Variants in PCDHA7 observed in about 807,000 individuals in gnomAD.
The protein encoded by PCDHA7 is protocadherin alpha 7.
Under a neutral mutation model 57.2 loss-of-function variants are expected in PCDHA7, and 37 were observed. That is an observed-to-expected ratio of 0.65 (90% confidence interval 0.50 to 0.85). The LOEUF (loss-of-function observed/expected upper bound fraction) is 0.85. PCDHA7 is among the 40% of genes least tolerant of loss of function. The pLI is 0.00. For synonymous variants in PCDHA7, 553 were observed against 558.8 expected (o/e 0.99, Z 0.15); for missense variants, 1,188 against 1,241.8 (o/e 0.96, Z 0.65).
chr5:140,966,652 G>C (rs556593659), intron 1 of PCDHA7: 2 of 1,169,200 alleles, frequency 1.7e-6, no homozygotes, highest in Admixed American at 3.9e-5. Context: ...GAGCGTGAGC[G>C]GTGGGGGAGC....
intron 1 of PCDHA7, chr5:140,856,218 A>C: frequency 6.3e-7 from 1 of 1,597,930 alleles, no homozygotes; most frequent in Non-Finnish European, 8.6e-7. Flanking sequence ...GAGCTGGCGG[A>C]GCTGGTGCAG....
intron 1 of PCDHA7, among the ~76,000 whole-genome samples, chr5:140,973,163 G>A (rs1473284872): frequency 1.3e-5 from 2 of 152,166 alleles, no homozygotes; most frequent in African/African-American, 4.8e-5. Context: ...GCAATTTGTA[G>A]TCACCAAACC....
chr5:140,886,062 C>T (rs925772414), intron 1 of PCDHA7, among the ~76,000 whole-genome samples: 10 of 152,172 alleles, frequency 6.6e-5, no homozygotes, highest in Non-Finnish European at 1.2e-4. Context: ...CTTACAAAAG[C>T]GTAGGGCCAT....
At chr5:140,926,804 C>T (rs1298226109) in intron 1 of PCDHA7, 4 of 1,455,652 alleles carry the variant, frequency 2.7e-6, no homozygotes, top group East Asian at 2.5e-5. Context: ...TGCTCTTCCC[C>T]GCGGCTCGTG....
intron 1 of PCDHA7, among the ~76,000 whole-genome samples, chr5:140,939,514 A>G (rs1280466076): frequency 2.0e-5 from 3 of 152,236 alleles, no homozygotes; most frequent in African/African-American, 7.2e-5. Flanking sequence ...TATAACATTA[A>G]TAGTTATAGA....
At chr5:140,843,413 G>A (rs2150359466) in intron 1 of PCDHA7, 1 of 1,596,100 alleles carries the variant, frequency 6.3e-7, no homozygotes, top group Non-Finnish European at 8.6e-7. Flanking sequence ...GGATGTCAAC[G>A]TGTACCTGAT....
intron 1 of PCDHA7, among the ~76,000 whole-genome samples, chr5:140,839,815 A>G (rs1776430186): frequency 6.6e-6 from 1 of 152,044 alleles, no homozygotes; most frequent in Admixed American, 6.6e-5. Context: ...ATTGCCTACT[A>G]TGAAGGCATT....
intron 1 of PCDHA7, among the ~76,000 whole-genome samples, chr5:140,937,175 C>A: frequency 6.6e-6 from 1 of 151,650 alleles, no homozygotes; most frequent in Non-Finnish European, 1.5e-5. Context: ...GTAGCTGGGA[C>A]TACAGGCGCC....
intron 3 of PCDHA7, among the ~76,000 whole-genome samples, chr5:141,000,999 A>G (rs1315543518): frequency 6.6e-6 from 1 of 152,234 alleles, no homozygotes; most frequent in Non-Finnish European, 1.5e-5. Context: ...TATGCTTTAA[A>G]TATGTATTTA....
chr5:140,837,346 A>T (rs1387832105), intron 1 of PCDHA7, among the ~76,000 whole-genome samples: 1 of 152,056 alleles, frequency 6.6e-6, no homozygotes, highest in African/African-American at 2.4e-5. Flanking sequence ...AATTTAAAAT[A>T]GTTTAAATGG....
chr5:140,868,990 G>A (rs1554162367), intron 1 of PCDHA7: 39 of 1,511,606 alleles, frequency 2.6e-5, no homozygotes, highest in Non-Finnish European at 2.4e-5. Flanking sequence ...GGATGCCACC[G>A]TTTAAGGATC....
chr5:140,837,156 A>G (rs1554136407), intron 1 of PCDHA7: 1 of 153,056 alleles, frequency 6.5e-6, no homozygotes, highest in Non-Finnish European at 1.5e-5. Context: ...TTTATAAAAT[A>G]TAGCTGTGTC....
In PCDHA7 at chr5:140,884,542, G is replaced by T. The variant is rs1554181706; in HGVS notation, c.2355+47804G>T. 1.9e-6 allele frequency: 3 copies of T among 1,614,126 alleles called. No individual in the cohort carries two copies. In the Admixed American group the frequency reaches 5.0e-5, roughly 27 times the overall value. ...ACTCGCAGCAGAGGCGGCCGAGGGT[G>T]TGCTCTGGGGAGGGCCCGCATAAGA... On this transcript the variant is annotated intron_variant, in intron 1 of 3. Transcript: ENST00000525929.
In PCDHA7 at chr5:140,846,504, A is replaced by G. The variant is rs910263180; in HGVS notation, c.2355+9766A>G. ...ATTCTCCTTCCTCAGCCTCCCAAGT[A>G]GCTGGGATTACAGGTGCATGCCACC... is the stretch of plus-strand genomic sequence containing the variant. On this transcript the variant is annotated intron_variant, in intron 1 of 3. Coordinates refer to ENST00000525929, the MANE Select transcript of PCDHA7 (RefSeq NM_018910.3). Among the ~76,000 whole-genome samples the G allele has an allele frequency of 1.4e-5, 2 of 146,302 alleles. 1 individual carries two copies. Among genetic ancestry groups the G allele is most frequent in the Non-Finnish European group, 3.0e-5 (2 of 66,038 alleles).
At chr5:140,853,146 T>G in intron 1 of PCDHA7, 1 of 817,808 alleles carries the variant, frequency 1.2e-6, no homozygotes, top group Non-Finnish European at 1.5e-6. Flanking sequence ...CCCAAAATGC[T>G]GGGATTACAG....
chr5:140,858,235 A>C, intron 1 of PCDHA7: 2 of 1,596,218 alleles, frequency 1.3e-6, no homozygotes, highest in Non-Finnish European at 1.7e-6. Flanking sequence ...CCGAGGGCGC[A>C]TGTGGGCCGG....
Position 140,968,070 on chromosome 5 carries a change from A to G in PCDHA7, c.2356-10879A>G, listed in dbSNP as rs377189542. On this transcript the variant is annotated intron_variant, in intron 1 of 3. Transcript: ENST00000525929. The stretch of plus-strand genomic sequence containing the variant: ...CTGGACCGAGAGCGGGTGGCTGTCT[A>G]CAACATCACGGTGACAGCCACAGAT... 3.5e-5 allele frequency: 57 copies of G among 1,614,034 alleles called. No homozygotes were observed. The highest frequency in any genetic ancestry group is 1.6e-4 in the Middle Eastern group (1 of 6,082).
At chr5:140,946,210 G>C (rs140796631) in intron 1 of PCDHA7, among the ~76,000 whole-genome samples, 1 of 152,052 alleles carries the variant, frequency 6.6e-6, no homozygotes, top group African/African-American at 2.4e-5. Flanking sequence ...GCACACAAAT[G>C]ACCAACAGGT....
intron 1 of PCDHA7, among the ~76,000 whole-genome samples, chr5:140,957,730 T>G (rs1044691694): frequency 6.6e-6 from 1 of 152,144 alleles, no homozygotes; most frequent in Non-Finnish European, 1.5e-5. Flanking sequence ...AGCAGAATTA[T>G]ATATACTGAC....
Sources: allele counts gnomAD v4.1 joint callset (sites outside exome capture counted in the v4.1 genomes callset), GRCh38; gene constraint gnomAD v4.1.1; transcripts MANE v1.5; gene names NCBI Gene and HGNC (gene_info 2026-07-23, HGNC 2026-07-21).